GANAB: variants seen among roughly 807,000 people sequenced by gnomAD.
GANAB encodes glucosidase II alpha subunit.
In GANAB, 35 loss-of-function variants were observed where a neutral mutation model predicts 129.9. That is an observed-to-expected ratio of 0.27 (90% CI 0.21 to 0.36). The LOEUF (loss-of-function observed/expected upper bound fraction) is 0.36, where lower values mean the gene tolerates loss of function less well. Ranked by LOEUF, GANAB falls within the 10% of genes least tolerant of loss-of-function variation. GANAB has a pLI of 1.00. For synonymous variants in GANAB, 482 were observed against 451.8 expected (o/e 1.07, Z -0.85); for missense variants, 939 against 1,221.0 (o/e 0.77, Z 3.44).
At chr11:62,634,251 A>C in intron 5 of GANAB, 1 of 1,151,210 alleles carries the variant, frequency 8.7e-7, no homozygotes, top group Non-Finnish European at 1.3e-6. Context: ...CCCAAAGGCT[A>C]GAGTGAGGAA....
At chr11:62,641,583 GT>G (rs1163162394) in intron 1 of GANAB, among the ~76,000 whole-genome samples, 2 of 18,872 alleles carry the variant, frequency 1.1e-4, no homozygotes, top group African/African-American at 1.5e-4. Context: ...ACTGCCTGCA[GT>G]TTTTGTTTTT....
At chr11:62,638,401 C>T (rs1334016997) in intron 4 of GANAB, among the ~76,000 whole-genome samples, 2 of 152,148 alleles carry the variant, frequency 1.3e-5, no homozygotes, top group African/African-American at 2.4e-5. Flanking sequence ...ATCTGCCCAC[C>T]TCGACCTCCC....
intron 18 of GANAB, 53 bp downstream of exon 18, chr11:62,627,236 G>A (rs192389541): frequency 5.1e-5 from 71 of 1,389,434 alleles, no homozygotes; most frequent in East Asian, 3.2e-4. Flanking sequence ...CTGGGCATCC[G>A]CAGTGCTGCT....
Position 62,625,806 on chromosome 11 carries a change from T to C in GANAB, c.*9A>G. 1 of 1,541,748 alleles carries C rather than the reference T, an allele frequency of 6.5e-7. No individual in the cohort carries two copies. Among genetic ancestry groups the C allele is most frequent in the Non-Finnish European group, 9.0e-7 (1 of 1,114,630 alleles). On this transcript the variant is annotated 3_prime_UTR_variant, in exon 24 of 24. Transcript: ENST00000356638. ...CCTTCCCTCCCCCTAACCCAGAACA[T>C]CCCTTGGGTTATCGCAGGTGAATAC... is the stretch of plus-strand genomic sequence containing the variant.
intron 1 of GANAB, among the ~76,000 whole-genome samples, chr11:62,640,396 G>A (rs555132970): frequency 6.7e-6 from 1 of 150,340 alleles, no homozygotes; most frequent in East Asian, 2.0e-4. Context: ...AGCCGGGCGT[G>A]GTGGCAGGTG....
At chr11:62,638,799 AGGATAAAG>A (rs1428307068) in intron 4 of GANAB, among the ~76,000 whole-genome samples, 176 bp downstream of exon 4, 2 of 152,164 alleles carry the variant, frequency 1.3e-5, no homozygotes, top group Non-Finnish European at 2.9e-5. Flanking sequence ...TGAATGAATG[AGGATAAAG>A]GGATAAAGAG....
Position 62,626,590 on chromosome 11 carries a change from A to C in GANAB, c.2492T>G (p.Phe831Cys). The C allele has an allele frequency of 1.2e-6, 2 of 1,609,562 alleles. No individual in the cohort carries two copies. The highest frequency in any genetic ancestry group is 1.7e-6 in the Non-Finnish European group (2 of 1,175,978). Residue 831 changes from phenylalanine to cysteine, a missense_variant, in exon 21 of 24, where the codon TTT becomes TGT. Around this residue, in one of 5 missense-constraint regions of GANAB, gnomAD observed 230 missense variants for 259.9 expected, o/e 0.89. Coordinates refer to ENST00000356638, the MANE Select transcript of GANAB (RefSeq NM_198334.3). ...ECMKDDPITL[F>C]VALSPQGTAQ... is the part of the protein sequence containing the mutation. ...ACTTACCTGAGGGCTAAGTGCAACA[A>C]AGAGAGTGATGGGGTCATCCTTCAT...
At chr11:62,639,146 A>C (rs1243185216) in intron 3 of GANAB, 36 bp from the exon 4 acceptor site, 2 of 1,611,468 alleles carry the variant, frequency 1.2e-6, no homozygotes, top group African/African-American at 2.7e-5. Flanking sequence ...GAGAAAGGAA[A>C]TGGGATACAC....
intron 13 of GANAB, 113 bp downstream of exon 13, chr11:62,630,084 G>C: frequency 7.7e-7 from 1 of 1,293,316 alleles, no homozygotes; most frequent in Non-Finnish European, 1.1e-6. Flanking sequence ...GGATCATCAA[G>C]GCCCCCTGAT....
chr11:62,626,149 C>T lies in GANAB; in HGVS notation c.2641G>A (p.Gly881Arg), dbSNP rs1943363089. The change falls in exon 23 of 24, where the codon GGA becomes AGA. Residue 881 changes from glycine to arginine, a missense_variant. Physicochemically the swap from Gly to Arg is moderately radical, Grantham distance 125 (BLOSUM62 -2). Around this residue, in one of 5 missense-constraint regions of GANAB, gnomAD observed 230 missense variants for 259.9 expected, o/e 0.89. Transcript: ENST00000356638. Reference sequence around the variant, plus strand: ...ATCCAGATTGGTGTCTCAAAGTGTCCTTCAGGGTCTGCTGAGCTGGAGATG... The same window carrying T: ...ATCCAGATTGGTGTCTCAAAGTGTCTTTCAGGGTCTGCTGAGCTGGAGATG... ...TLVSSSADPEGHFETPIWIER... is the reference protein window; with the variant it reads ...TLVSSSADPERHFETPIWIER... 1 of 1,612,714 alleles carries T rather than the reference C, an allele frequency of 6.2e-7. No homozygotes were observed. Among genetic ancestry groups the T allele is most frequent in the Non-Finnish European group, 8.5e-7 (1 of 1,178,694 alleles).
intron 1 of GANAB, among the ~76,000 whole-genome samples, chr11:62,644,983 G>A (rs2134563174): frequency 6.6e-6 from 1 of 152,152 alleles, no homozygotes; most frequent in Admixed American, 6.6e-5. Flanking sequence ...AGATCACAGA[G>A]TGTACTATGA....
Position 62,639,368 on chromosome 11 carries a change from C to G in GANAB, c.243G>C (p.Glu81Asp). 1 of 1,606,836 alleles carries G rather than the reference C, an allele frequency of 6.2e-7. No homozygotes were observed. The highest frequency in any genetic ancestry group is 1.7e-5 in the Admixed American group (1 of 59,966). Residue 81 changes from glutamate to aspartate, a missense_variant, in exon 3 of 24, where the codon GAG becomes GAC. This residue lies in a region of GANAB where 321 missense variants were observed against 329.1 expected (regional missense o/e 0.98). Coordinates refer to ENST00000356638, the MANE Select transcript of GANAB (RefSeq NM_198334.3). ...CCTTGTCTCTCCTGACCTTGGTGAC[C>G]TCATGGATCAGATGGACCGTGAGGG... ...PDSLTVHLIHEVTKVLLVLEL... is the reference protein window; with the variant it reads ...PDSLTVHLIHDVTKVLLVLEL...
Position 62,629,806 on chromosome 11 carries a change from GC to G in GANAB, c.1737+7del. Reference sequence around the variant, plus strand: ...CTTTCCACCAACTCTCCTCTCTCAGGCCCTTACCACATAAAGGCCATAGATG... The same window carrying G: ...CTTTCCACCAACTCTCCTCTCTCAGGCCTTACCACATAAAGGCCATAGATG... On this transcript the variant is annotated splice_region_variant and intron_variant, in intron 14 of 23. Coordinates refer to ENST00000356638, the MANE Select transcript of GANAB (RefSeq NM_198334.3). 2 of 1,614,028 alleles carry G rather than the reference GC, an allele frequency of 1.2e-6. No homozygotes were observed. The highest frequency in any genetic ancestry group is 1.7e-5 in the Admixed American group (1 of 60,016).
At chr11:62,631,224 TC>T (rs746147027) in intron 9 of GANAB, 41 bp from the exon 10 acceptor site, 1 of 1,499,266 alleles carries the variant, frequency 6.7e-7, no homozygotes, top group South Asian at 1.4e-5. Flanking sequence ...CCTCCTGCCC[TC>T]CCATTTTCCA....
intron 19 of GANAB, 27 bp from the exon 20 acceptor site, chr11:62,626,961 C>A: frequency 6.3e-7 from 1 of 1,591,784 alleles, no homozygotes; most frequent in Non-Finnish European, 8.6e-7. Flanking sequence ...AGGTAAGATA[C>A]CGGATCACTC....
In GANAB at chr11:62,625,900, A is replaced by C. The variant is rs570095749; in HGVS notation, c.2750T>G (p.Phe917Cys). Residue 917 changes from phenylalanine (F) to cysteine (C), a missense_variant, in exon 24 of 24, where the codon TTC becomes TGC. Coordinates refer to ENST00000356638, the MANE Select transcript of GANAB (RefSeq NM_198334.3). Reference sequence around the variant, plus strand: ...CACAGAGGTCTCAGGGTCATGCTGGAAGGACAGGCGGCTTTCTGGAGATCC... The same window carrying C: ...CACAGAGGTCTCAGGGTCATGCTGGCAGGACAGGCGGCTTTCTGGAGATCC... ...TKGSPESRLS[F>C]QHDPETSVLV... 2.5e-6 allele frequency: 4 copies of C among 1,613,496 alleles called. No individual in the cohort carries two copies. In the African/African-American group the frequency reaches 4.0e-5, roughly 16 times the overall value.
At position 62,633,170 on chromosome 11, in the gene GANAB, C is replaced by T. The variant is rs771447933; in HGVS notation, c.718+14G>A. On this transcript the variant is annotated intron_variant, in intron 7 of 23. Coordinates refer to ENST00000356638, the MANE Select transcript of GANAB (RefSeq NM_198334.3). ...GAGCCCTGCACCCCAGCCCAAGGAA[C>T]CCGAGCCCCTCACCATACGGCTTGC... 10 of 1,611,584 alleles carry T rather than the reference C, an allele frequency of 6.2e-6. No homozygotes were observed. Among genetic ancestry groups the T allele is most frequent in the Non-Finnish European group, 8.5e-6 (10 of 1,177,740 alleles).
intron 1 of GANAB, among the ~76,000 whole-genome samples, chr11:62,640,955 G>C (rs1163617385): frequency 6.6e-6 from 1 of 151,836 alleles, no homozygotes; most frequent in Non-Finnish European, 1.5e-5. Context: ...AGTCTCAGAG[G>C]AAATGGTAGT....
At position 62,630,408 on chromosome 11, in the gene GANAB, C is replaced by G; in HGVS notation, c.1484G>C (p.Gly495Ala). 1 of 1,614,178 alleles carries G rather than the reference C, an allele frequency of 6.2e-7. No individual in the cohort carries two copies. The highest frequency in any genetic ancestry group is 1.1e-5 in the South Asian group (1 of 91,090). The change falls in exon 12 of 24, where the codon GGC becomes GCC. Residue 495 changes from glycine to alanine, a missense_variant. Gly to Ala is a moderately conservative substitution (Grantham distance 60, BLOSUM62 0). This residue lies in a region of GANAB where 220 missense variants were observed against 295.9 expected (regional missense o/e 0.74). Coordinates refer to ENST00000356638, the MANE Select transcript of GANAB (RefSeq NM_198334.3). ...CCAGCACCAGCCCTCATAGTCAGAG[C>G]CATCCCGGGTTTTAACATACAGCCC... The part of the protein sequence containing the change: ...NLGLYVKTRD[G>A]SDYEGWCWPG...
Sources: allele counts gnomAD v4.1 joint callset (sites outside exome capture counted in the v4.1 genomes callset), GRCh38; gene constraint gnomAD v4.1.1; regional missense constraint gnomAD v4.1.1; transcripts MANE v1.5; gene names NCBI Gene and HGNC (gene_info 2026-07-23, HGNC 2026-07-21).